Variants in XKR5 observed in about 807,000 individuals in gnomAD.
XKR5 encodes the protein XK-related protein 5.
In XKR5, 46 loss-of-function variants were observed where a neutral mutation model predicts 40.8. That is an observed-to-expected ratio of 1.13 (90% CI 0.89 to 1.44). The LOEUF is 1.44. Among genes scored for constraint, XKR5 ranks in the 40% most tolerant of loss-of-function variants. The pLI is 0.00. For missense variants in XKR5, 1,169 were observed against 844.7 expected (o/e 1.38, Z -4.76); for synonymous variants, 466 against 356.1 (o/e 1.31, Z -3.48).
rs1359269930 is a variant in XKR5, at chr8:6,809,756, C to G, written c.*1442G>C. On this transcript the variant is annotated 3_prime_UTR_variant, in exon 7 of 7. Coordinates refer to ENST00000618742, the MANE Select transcript of XKR5 (RefSeq NM_207411.5). The stretch of plus-strand genomic sequence containing the variant: ...TGTCAGGCTGAGCTAAGTTATTCTA[C>G]TATTCCTTTTTAGAGCTCTAATATT... The G allele has an allele frequency of 2.0e-5, 3 of 152,218 alleles. No homozygotes were observed. The highest frequency in any genetic ancestry group is 7.2e-5 in the African/African-American group (3 of 41,452). 9.4% of individuals were successfully genotyped at this position (152,218 alleles called of 1,614,324 possible). A position where few individuals can be genotyped will look rare whatever the true frequency, so the allele number is the denominator to read the frequency against.
intron 3 of XKR5, among the ~76,000 whole-genome samples, chr8:6,823,952 G>A (rs1804353451): frequency 6.6e-6 from 1 of 152,166 alleles, no homozygotes; most frequent in Non-Finnish European, 1.5e-5. Context: ...GGGATATGCA[G>A]GAAATATTTC....
intron 2 of XKR5, among the ~76,000 whole-genome samples, chr8:6,830,285 C>T (rs747805680): frequency 6.6e-6 from 1 of 152,352 alleles, no homozygotes; most frequent in East Asian, 1.9e-4. Context: ...GCTCCCCCTA[C>T]AGGTCCTTTT....
At position 6,809,070 on chromosome 8, in the gene XKR5, C is replaced by T. The variant is rs984277264; in HGVS notation, c.*2128G>A. 1 of 152,310 alleles carries T rather than the reference C, an allele frequency of 6.6e-6. No homozygotes were observed. The allele number at this position is 152,310 out of a possible 1,614,324, so 9.4% of individuals were successfully genotyped here. ...AGGGCAAAGGGCAGTGGAATACAACCTGGGGACAGAGGGTAGGTCTGGGAG... is the reference window on the plus strand; with the variant it reads ...AGGGCAAAGGGCAGTGGAATACAACTTGGGGACAGAGGGTAGGTCTGGGAG... On this transcript the variant is annotated 3_prime_UTR_variant, in exon 7 of 7. Transcript: ENST00000618742.
intron 2 of XKR5, among the ~76,000 whole-genome samples, chr8:6,828,605 G>A (rs982355412): frequency 6.6e-6 from 1 of 152,174 alleles, no homozygotes; most frequent in South Asian, 2.1e-4. Flanking sequence ...TGGTCACTAG[G>A]TCCTATGAGA....
chr8:6,830,884 C>G (rs949729806), intron 2 of XKR5, among the ~76,000 whole-genome samples: 2 of 152,054 alleles, frequency 1.3e-5, no homozygotes, highest in Admixed American at 1.3e-4. Context: ...TGTGAAATAC[C>G]AGCAGCATGA....
intron 4 of XKR5, 134 bp from the exon 5 acceptor site, chr8:6,822,172 A>T: frequency 1.2e-6 from 1 of 852,650 alleles, no homozygotes; most frequent in East Asian, 2.7e-5. Flanking sequence ...ATCAAAACCC[A>T]GAAGAGATTT....
chr8:6,834,665 G>A (rs1312388136), intron 1 of XKR5, among the ~76,000 whole-genome samples: 2 of 152,078 alleles, frequency 1.3e-5, no homozygotes, highest in Non-Finnish European at 2.9e-5. Context: ...CGTTCCCAGG[G>A]TACCCCCTCT....
At chr8:6,833,946 T>C (rs961117769) in intron 1 of XKR5, among the ~76,000 whole-genome samples, 4 of 152,166 alleles carry the variant, frequency 2.6e-5, no homozygotes, top group African/African-American at 9.7e-5. Context: ...TGTTTGCTTG[T>C]TTGTTTTTGA....
At chr8:6,826,097 C>G (rs146890638) in intron 2 of XKR5, among the ~76,000 whole-genome samples, 1 of 151,838 alleles carries the variant, frequency 6.6e-6, no homozygotes, top group African/African-American at 2.4e-5. Flanking sequence ...TGTGCATGTG[C>G]GTGTATATGG....
chr8:6,819,526 G>C (rs1179218331), intron 5 of XKR5, among the ~76,000 whole-genome samples: 6 of 152,188 alleles, frequency 3.9e-5, no homozygotes, highest in African/African-American at 1.4e-4. Context: ...CAGTGGGAGA[G>C]GCTGCCTCAC....
chr8:6,823,239 T>G (rs1247297075), intron 4 of XKR5, among the ~76,000 whole-genome samples: 4 of 152,182 alleles, frequency 2.6e-5, no homozygotes, highest in Admixed American at 2.6e-4. Context: ...GCAGAAGCAA[T>G]GCTGAGCCAG....
chr8:6,811,554 C>T lies in XKR5; in HGVS notation c.1705G>A (p.Gly569Arg), dbSNP rs1245874113. Residue 569 changes from glycine to arginine, a missense_variant, in exon 7 of 7, where the codon GGA (glycine) becomes AGA (arginine). Transcript: ENST00000618742. ...SPATLQTAHS[G>R]RRLGKSSPAQ... Reference sequence around the variant, plus strand: ...GGGCTGCTCTTTCCCAGCCTCCTTCCAGAGTGGGCCGTTTGCAGAGTAGCT... The same window carrying T: ...GGGCTGCTCTTTCCCAGCCTCCTTCTAGAGTGGGCCGTTTGCAGAGTAGCT... 2 of 1,536,158 alleles carry T rather than the reference C, an allele frequency of 1.3e-6. No homozygotes were observed. Among genetic ancestry groups the T allele is most frequent in the Non-Finnish European group, 1.7e-6 (2 of 1,146,282 alleles).
At chr8:6,814,884 C>T (rs529039102) in intron 6 of XKR5, among the ~76,000 whole-genome samples, 3 of 152,164 alleles carry the variant, frequency 2.0e-5, no homozygotes, top group Admixed American at 2.0e-4. Context: ...ATTCCTTTCC[C>T]AGGTCCAGGC....
Position 6,812,351 on chromosome 8 carries a change from C to A in XKR5, c.920-12G>T. 6.5e-7 allele frequency: 1 copy of A among 1,527,560 alleles called. No individual in the cohort carries two copies. The highest frequency in any genetic ancestry group is 8.8e-7 in the Non-Finnish European group (1 of 1,136,972). The allele number at this position is 1,527,560 out of a possible 1,614,324, so 94.6% of individuals were successfully genotyped here. On this transcript the variant is annotated splice_polypyrimidine_tract_variant and intron_variant, in intron 6 of 6. Transcript: ENST00000618742. ...CAGTGAGACACTGCCTGAAAAAGAA[C>A]AAAAAGACCACAAGGTTATGTTCTT... is the stretch of plus-strand genomic sequence containing the variant.
At position 6,832,823 on chromosome 8, in the gene XKR5, C is replaced by T. The variant is rs199717191; in HGVS notation, c.136G>A (p.Gly46Arg). The T allele has an allele frequency of 1.2e-4, 194 of 1,612,118 alleles. 1 individual carries two copies. Among genetic ancestry groups the T allele is most frequent in the East Asian group, 5.6e-4 (25 of 44,772 alleles). ...TAGCTCAGGGCCTGGACCAAGAACC[C>T]GGGCAGGAGGACAGCAAGGGCCAGC... ...GWLALAVLLP[G>R]FLVQALSYLW... The change falls in exon 2 of 7, where the codon GGG (glycine) becomes AGG (arginine). Residue 46 changes from glycine (G) to arginine (R), a missense_variant. Physicochemically the swap from Gly to Arg is moderately radical, Grantham distance 125. Coordinates refer to ENST00000618742, the MANE Select transcript of XKR5 (RefSeq NM_207411.5).
chr8:6,828,084 G>C (rs1012661918), intron 2 of XKR5, among the ~76,000 whole-genome samples: 5 of 152,012 alleles, frequency 3.3e-5, no homozygotes, highest in African/African-American at 9.7e-5. Context: ...AAAAAGAAAA[G>C]GGGGGAAGTG....
In XKR5 at chr8:6,811,306, C is replaced by T. The variant is rs1387290286; in HGVS notation, c.1953G>A (p.Leu651=). The T allele has an allele frequency of 3.9e-6, 6 of 1,537,232 alleles. No homozygotes were observed. The highest frequency in any genetic ancestry group is 5.2e-6 in the Non-Finnish European group (6 of 1,146,946). ...AVGVWVSLPQ[L]RTAHEPCLTS... is the part of the protein sequence containing the mutation. ...TGAGGCAGGGCTCATGGGCAGTCCT[C>T]AGCTGTGGCAATGACACCCACACAC... Residue 651 remains leucine, a synonymous_variant, in exon 7 of 7, where the codon CTG becomes CTA. Coordinates refer to ENST00000618742, the MANE Select transcript of XKR5 (RefSeq NM_207411.5).
rs758628994 is a variant in XKR5, at chr8:6,808,648, G to A, written c.*2550C>T. The A allele has an allele frequency of 6.6e-6, 1 of 152,144 alleles. No homozygotes were observed. The highest frequency in any genetic ancestry group is 1.5e-5 in the Non-Finnish European group (1 of 68,036). 9.4% of individuals were successfully genotyped at this position (152,144 alleles called of 1,614,324 possible). On this transcript the variant is annotated 3_prime_UTR_variant, in exon 7 of 7. Coordinates refer to ENST00000618742, the MANE Select transcript of XKR5 (RefSeq NM_207411.5). ...GAAGCCATCTGAGAAGCCGATGTTG[G>A]TCCACAGGGCCTCGAACAGCAAGTA...
chr8:6,832,731 A>G lies in XKR5; in HGVS notation c.228T>C (p.Leu76=). 1 of 1,613,074 alleles carries G rather than the reference A, an allele frequency of 6.2e-7. No homozygotes were observed. The highest frequency in any genetic ancestry group is 1.3e-5 in the African/African-American group (1 of 75,010). Residue 76 remains leucine (L), a synonymous_variant, in exon 2 of 7, where the codon CTT becomes CTC. Coordinates refer to ENST00000618742, the MANE Select transcript of XKR5 (RefSeq NM_207411.5). The part of the protein sequence containing the change: ...CSLMMLHLLQ[L]GVWKRHWDAA... ...GCTGTTCTTACCGCTTCCAAACACC[A>G]AGCTGTAGGAGGTGCAGCATCATCA...
Sources: gnomAD v4.1 joint callset for allele counts (sites outside exome capture counted in the v4.1 genomes callset) on GRCh38, gnomAD v4.1.1 for gene constraint, MANE v1.5 for transcripts, NCBI Gene and HGNC (gene_info 2026-07-23, HGNC 2026-07-21) for gene names.